Variants in FMO1 observed in about 807,000 individuals in gnomAD.
The protein encoded by FMO1 is flavin-containing monooxygenase 1.
In FMO1, 36 loss-of-function variants were observed where a neutral mutation model predicts 45.4. That is an observed-to-expected ratio of 0.79 (90% CI 0.61 to 1.05). The LOEUF (loss-of-function observed/expected upper bound fraction) is 1.05. FMO1 is among the 50% of genes least tolerant of loss of function. FMO1 has a pLI of 0.00. For synonymous variants in FMO1, 228 were observed against 227.2 expected (o/e 1.00, Z -0.03); for missense variants, 615 against 640.3 (o/e 0.96, Z 0.43).
At chr1:171,270,911 A>G in intron 3 of FMO1, 1 of 743,880 alleles carries the variant, frequency 1.3e-6, no homozygotes, top group Admixed American at 2.4e-5. Flanking sequence ...CAGTAGGGTT[A>G]AATGCTTTAT....
intron 7 of FMO1, chr1:171,282,606 T>C (rs1661406680): frequency 9.6e-6 from 3 of 310,972 alleles, no homozygotes; most frequent in African/African-American, 4.3e-5. Flanking sequence ...CTGTGATATT[T>C]TTTCTTTTTT....
At chr1:171,267,293 C>T (rs1159611272) in intron 2 of FMO1, among the ~76,000 whole-genome samples, 1 of 152,164 alleles carries the variant, frequency 6.6e-6, no homozygotes, top group Non-Finnish European at 1.5e-5. Context: ...AATCCAAATT[C>T]CTTAACTTTG....
intron 2 of FMO1, 111 bp from the exon 3 acceptor site, chr1:171,267,432 A>G (rs890206710): frequency 7.6e-6 from 5 of 660,986 alleles, no homozygotes; most frequent in Admixed American, 2.9e-5. Context: ...ATGTATTTCT[A>G]TATTCTCCTG....
At chr1:171,281,672 G>C (rs1661363611) in intron 6 of FMO1, among the ~76,000 whole-genome samples, 1 of 152,128 alleles carries the variant, frequency 6.6e-6, no homozygotes, top group African/African-American at 2.4e-5. Flanking sequence ...TAGCCCTTCA[G>C]CTCTCAGCCC....
At chr1:171,270,018 T>C (rs551881208) in intron 3 of FMO1, among the ~76,000 whole-genome samples, 19 of 152,352 alleles carry the variant, frequency 1.2e-4, no homozygotes, top group African/African-American at 4.6e-4. Flanking sequence ...AAAAATTTAA[T>C]ATGGCAGTCC....
At chr1:171,266,908 G>A (rs1464318954) in intron 2 of FMO1, among the ~76,000 whole-genome samples, 1 of 152,198 alleles carries the variant, frequency 6.6e-6, no homozygotes, top group Non-Finnish European at 1.5e-5. Context: ...GTATTTGCTA[G>A]TTATTTGAGT....
At chr1:171,275,231 A>G in intron 3 of FMO1, 115 bp from the exon 4 acceptor site, 1 of 776,950 alleles carries the variant, frequency 1.3e-6, no homozygotes. Flanking sequence ...GGTTATACTT[A>G]TTAATTATGT....
At chr1:171,258,002 T>C in intron 1 of FMO1, 80 bp from the exon 2 acceptor site, 1 of 1,552,690 alleles carries the variant, frequency 6.4e-7, no homozygotes, top group Non-Finnish European at 8.8e-7. Context: ...TCTTCCAAAT[T>C]CTTTTTCCTG....
At chr1:171,249,539 T>C (rs376232389) in intron 1 of FMO1, among the ~76,000 whole-genome samples, 2 of 152,088 alleles carry the variant, frequency 1.3e-5, no homozygotes, top group African/African-American at 2.4e-5. Flanking sequence ...AGGGGCTAAG[T>C]AGGCACCTTC....
At chr1:171,272,710 C>T (rs1470151253) in intron 3 of FMO1, among the ~76,000 whole-genome samples, 1 of 152,132 alleles carries the variant, frequency 6.6e-6, no homozygotes, top group African/African-American at 2.4e-5. Context: ...GCCTGTAGCC[C>T]CTTTGTTTTG....
In FMO1 at chr1:171,280,797, C is replaced by A; in HGVS notation, c.639C>A (p.Ser213Arg). 6.2e-7 allele frequency: 1 copy of A among 1,612,376 alleles called. No individual in the cohort carries two copies. The highest frequency in any genetic ancestry group is 2.0e-4 in the Middle Eastern group (1 of 5,120). The stretch of plus-strand genomic sequence containing the variant: ...TTGATTGCTTCCAGGTGTTCCTCAG[C>A]ACCACCGGAGGGGGATGGGTGATCA... ...ASHLAEKVFL[S>R]TTGGGWVISR... Residue 213 changes from serine to arginine, a missense_variant, in exon 6 of 9, where the codon AGC becomes AGA. Coordinates refer to ENST00000617670, the MANE Select transcript of FMO1 (RefSeq NM_001282693.2).
At chr1:171,266,036 A>C (rs1379330269) in intron 2 of FMO1, among the ~76,000 whole-genome samples, 1 of 152,244 alleles carries the variant, frequency 6.6e-6, no homozygotes, top group Non-Finnish European at 1.5e-5. Flanking sequence ...AGTTCAAATA[A>C]CTTATACTGT....
intron 1 of FMO1, among the ~76,000 whole-genome samples, chr1:171,256,096 A>AC (rs1660135099): frequency 6.6e-6 from 1 of 151,726 alleles, no homozygotes; most frequent in Non-Finnish European, 1.5e-5. Flanking sequence ...ACATGGTGAA[A>AC]CCCCGTCTCT....
At chr1:171,269,732 T>C (rs1174116532) in intron 3 of FMO1, among the ~76,000 whole-genome samples, 2 of 152,186 alleles carry the variant, frequency 1.3e-5, no homozygotes, top group African/African-American at 2.4e-5. Context: ...GTTTGTTTTG[T>C]AAAGAAAAAT....
Position 171,248,616 on chromosome 1 carries a change from T to C in FMO1, c.-14T>C, listed in dbSNP as rs1659734657. 1 of 152,110 alleles carries C rather than the reference T, an allele frequency of 6.6e-6. No homozygotes were observed. Among genetic ancestry groups the C allele is most frequent in the South Asian group, 2.1e-4 (1 of 4,822 alleles). The allele number at this position is 152,110 out of a possible 1,614,324, so 9.4% of individuals were successfully genotyped here. A position where few individuals can be genotyped will look rare whatever the true frequency, so the allele number is the denominator to read the frequency against. ...AGCCATTGGCACCAGAAATTACAAG[T>C]ACGTAAAGTAAGTAACCAGATATAA... On this transcript the variant is annotated 5_prime_UTR_variant, in exon 1 of 9. Coordinates refer to ENST00000617670, the MANE Select transcript of FMO1 (RefSeq NM_001282693.2).
intron 1 of FMO1, 79 bp from the exon 2 acceptor site, chr1:171,258,003 C>A (rs1660232469): frequency 1.9e-6 from 3 of 1,558,682 alleles, no homozygotes; most frequent in Non-Finnish European, 2.6e-6. Flanking sequence ...CTTCCAAATT[C>A]TTTTTCCTGG....
At chr1:171,283,602 G>A (rs11589319) in intron 8 of FMO1, among the ~76,000 whole-genome samples, 1 of 152,126 alleles carries the variant, frequency 6.6e-6, no homozygotes, top group Admixed American at 6.5e-5. Context: ...TCTGACACTA[G>A]AAGTGTCTGC....
chr1:171,263,593 T>C (rs552759613), intron 2 of FMO1, among the ~76,000 whole-genome samples: 2 of 152,344 alleles, frequency 1.3e-5, no homozygotes, highest in South Asian at 4.1e-4. Context: ...CCTCTGCTCA[T>C]GCTCTTAGTC....
At chr1:171,275,548 G>A in intron 4 of FMO1, 40 bp downstream of exon 4, 3 of 1,486,012 alleles carry the variant, frequency 2.0e-6, no homozygotes, top group South Asian at 1.2e-5. Flanking sequence ...TTTTCTCGTG[G>A]GAGCCATTCT....
Sources: gnomAD v4.1 joint callset for allele counts (sites outside exome capture counted in the v4.1 genomes callset) on GRCh38, gnomAD v4.1.1 for gene constraint, MANE v1.5 for transcripts, NCBI Gene and HGNC (gene_info 2026-07-23, HGNC 2026-07-21) for gene names.